CP: variants seen among roughly 807,000 people sequenced by gnomAD.
The protein encoded by CP is ceruloplasmin.
In CP, 64 loss-of-function variants were observed where a neutral mutation model predicts 122.4. That is an observed-to-expected ratio of 0.52 (90% confidence interval 0.43 to 0.64). The LOEUF is 0.64. Among genes scored for constraint, CP ranks in the 30% least tolerant of loss-of-function variants. The probability of loss-of-function intolerance (pLI) is 0.00; values close to 1 mark genes in which losing one functional copy is unlikely to be tolerated. For synonymous variants in CP, 440 were observed against 436.4 expected, an observed-to-expected ratio of 1.01 and a Z score of -0.10; for missense variants, 1,167 against 1,284.4, an observed-to-expected ratio of 0.91 and a Z score of 1.40.
At chr3:149,204,301 A>G (rs1459474488) in intron 6 of CP, among the ~76,000 whole-genome samples, 2 of 152,212 alleles carry the variant, frequency 1.3e-5, no homozygotes, top group Non-Finnish European at 1.5e-5. Flanking sequence ...AGACTGCAGT[A>G]GGGAGACCAG....
At chr3:149,192,656 A>G (rs528000211) in intron 9 of CP, among the ~76,000 whole-genome samples, 15 of 150,458 alleles carry the variant, frequency 1.0e-4, no homozygotes, top group African/African-American at 3.8e-4. Context: ...AACAAAGATA[A>G]TATGTATGTA....
chr3:149,195,215 A>C (rs1017616842), intron 9 of CP, among the ~76,000 whole-genome samples: 7 of 152,242 alleles, frequency 4.6e-5, no homozygotes, highest in Admixed American at 1.3e-4. Flanking sequence ...AGATGATCTC[A>C]TGTATACCTT....
intron 1 of CP, among the ~76,000 whole-genome samples, chr3:149,213,331 A>T (rs1728237024): frequency 6.6e-6 from 1 of 152,244 alleles, no homozygotes; most frequent in African/African-American, 2.4e-5. Flanking sequence ...ACTAGTACAG[A>T]TACTTAACAT....
At chr3:149,181,974 G>GGGGGGGGGGGGGGGGGGGGGC in intron 14 of CP, 31 bp downstream of exon 14, 6 of 1,356,688 alleles carry the variant, frequency 4.4e-6, no homozygotes, top group Non-Finnish European at 6.3e-6. Context: ...CTGTTAAAAT[G>GGGGGGGGGGGGGGGGGGGGGC]CACCACCCCC....
Position 149,206,337 on chromosome 3 carries a change from C to A in CP, c.1039G>T (p.Gly347Cys). 1 of 1,613,682 alleles carries A rather than the reference C, an allele frequency of 6.2e-7. No homozygotes were observed. Among genetic ancestry groups the A allele is most frequent in the South Asian group, 1.1e-5 (1 of 91,054 alleles). Residue 347 changes from glycine (G) to cysteine (C), a missense_variant and splice_region_variant, in exon 6 of 19, where the codon GGT (glycine) becomes TGT (cysteine). Physicochemically the swap from Gly to Cys is radical, Grantham distance 159. Transcript: ENST00000264613. ...TGGACCTGGAAAAAGGCTTGCAAAC[C>A]GGCTGAAATGAAACAGAAAGAGGCA... ...SCQNLNHLKA[G>C]LQAFFQVQEC... is the part of the protein sequence containing the mutation.
chr3:149,169,455 T>A (rs1011014003), downstream of CP, among the ~76,000 whole-genome samples: 5 of 152,218 alleles, frequency 3.3e-5, no homozygotes, highest in Non-Finnish European at 7.3e-5. Context: ...AGGTTGGAGA[T>A]GAAGCTCAGG....
chr3:149,208,998 G>A (rs567507793), intron 4 of CP, among the ~76,000 whole-genome samples: 1 of 152,236 alleles, frequency 6.6e-6, no homozygotes, highest in African/African-American at 2.4e-5. Flanking sequence ...ATCCTTACCA[G>A]TTGGGGAACA....
intron 5 of CP, among the ~76,000 whole-genome samples, chr3:149,206,935 T>C (rs1177832528): frequency 6.6e-6 from 1 of 152,202 alleles, no homozygotes; most frequent in Non-Finnish European, 1.5e-5. Context: ...TTTTATTGCC[T>C]AAGTTAAAGA....
intron 9 of CP, among the ~76,000 whole-genome samples, chr3:149,193,209 C>T (rs1726660208): frequency 6.6e-6 from 1 of 152,094 alleles, no homozygotes; most frequent in Non-Finnish European, 1.5e-5. Context: ...TTGTGCCTGG[C>T]CTGTGACCTA....
downstream of CP, chr3:149,167,899 T>C: frequency 1.3e-6 from 2 of 1,586,700 alleles, no homozygotes; most frequent in Non-Finnish European, 1.7e-6. Context: ...ATAGACTCTG[T>C]GGTGGAAAAA....
chr3:149,171,698 C>CTTTT (rs1170000443), downstream of CP, among the ~76,000 whole-genome samples: 46 of 118,254 alleles, frequency 3.9e-4, 1 homozygote, highest in African/African-American at 8.7e-4. Flanking sequence ...GAACTGGCTT[C>CTTTT]TTTTTTTTTT....
downstream of CP, among the ~76,000 whole-genome samples, chr3:149,170,756 T>C (rs1724892371): frequency 6.6e-6 from 1 of 152,178 alleles, no homozygotes; most frequent in Admixed American, 6.5e-5. Flanking sequence ...GAATGGATCT[T>C]ATATTTCACT....
rs1290872675 is a variant in CP, at chr3:149,221,723, A to G, written c.70T>C (p.Tyr24His). 3.1e-6 allele frequency: 5 copies of G among 1,613,320 alleles called. No individual in the cohort carries two copies. The highest frequency in any genetic ancestry group is 1.3e-5 in the African/African-American group (1 of 74,914). ...STPAWAKEKHYYIGIIETTWD... is the reference protein window; with the variant it reads ...STPAWAKEKHHYIGIIETTWD... ...GTCGTTTCAATAATTCCAATGTAATAATGCTTTTCTTTCGCCCAGGCTGGG... is the reference window on the plus strand; with the variant it reads ...GTCGTTTCAATAATTCCAATGTAATGATGCTTTTCTTTCGCCCAGGCTGGG... The change falls in exon 1 of 19, where the codon TAT (tyrosine) becomes CAT (histidine). Residue 24 changes from tyrosine (Y) to histidine (H), a missense_variant. Tyr to His is a moderately conservative substitution (Grantham distance 83). Around this residue, in one of 2 missense-constraint regions of CP, gnomAD observed 642 missense variants for 627.3 expected, o/e 1.02. Transcript: ENST00000264613.
intron 1 of CP, among the ~76,000 whole-genome samples, chr3:149,219,655 G>A (rs1728685728): frequency 6.6e-6 from 1 of 151,904 alleles, no homozygotes; most frequent in African/African-American, 2.4e-5. Context: ...CCAGTCTTGA[G>A]TATGTCTTTA....
chr3:149,197,775 G>A lies in CP; in HGVS notation c.1713+592C>T, dbSNP rs565172194. 1.7e-4 allele frequency among the ~76,000 whole-genome samples: 26 copies of A among 152,212 alleles called. 1 individual carries two copies. The South Asian group carries it at 5.2e-3, about 30-fold the overall frequency. The stretch of plus-strand genomic sequence containing the variant: ...CCCTCACATGCACAGTTCACAATAG[G>A]ATTTGCGCTCGTATGAGAATCTGTT... On this transcript the variant is annotated intron_variant, in intron 9 of 18. Coordinates refer to ENST00000264613, the MANE Select transcript of CP (RefSeq NM_000096.4).
downstream of CP, chr3:149,172,418 T>A: frequency 2.0e-6 from 1 of 511,436 alleles, no homozygotes; most frequent in Non-Finnish European, 3.5e-6. Flanking sequence ...ATTCACTTCT[T>A]AATTTATGAC....
chr3:149,191,129 C>G (rs964882385), intron 9 of CP, among the ~76,000 whole-genome samples: 16 of 151,998 alleles, frequency 1.1e-4, no homozygotes, highest in African/African-American at 2.9e-4. Context: ...TAGCTCTTCC[C>G]TTTGCTTTCC....
chr3:149,214,225 C>T (rs1380869656), intron 1 of CP, among the ~76,000 whole-genome samples: 3 of 152,290 alleles, frequency 2.0e-5, no homozygotes, highest in African/African-American at 7.2e-5. Context: ...GTGGCAGGAC[C>T]TCTGCGGTGG....
chr3:149,168,575 A>G (rs1724663986), downstream of CP: 1 of 152,384 alleles, frequency 6.6e-6, no homozygotes, highest in African/African-American at 2.4e-5. Flanking sequence ...CACATAAAAT[A>G]TTAGAAATTG....
Sources: allele counts gnomAD v4.1 joint callset (sites outside exome capture counted in the v4.1 genomes callset), GRCh38; gene constraint gnomAD v4.1.1; regional missense constraint gnomAD v4.1.1; transcripts MANE v1.5; gene names NCBI Gene and HGNC (gene_info 2026-07-23, HGNC 2026-07-21).